PTPRR: variants seen among roughly 807,000 people sequenced by gnomAD.
PTPRR encodes receptor-type tyrosine-protein phosphatase R.
PTPRR carries 38 observed loss-of-function variants against 77.2 expected under a neutral mutation model. That is an observed-to-expected ratio of 0.49 (90% CI 0.38 to 0.65). The LOEUF is 0.65. Ranked by LOEUF, PTPRR falls within the 30% of genes least tolerant of loss-of-function variation. The pLI, the probability that PTPRR is intolerant of heterozygous loss-of-function variation, is 0.00. For synonymous variants in PTPRR, 299 were observed against 283.1 expected (o/e 1.06, Z -0.57); for missense variants, 744 against 799.2 (o/e 0.93, Z 0.83).
intron 2 of PTPRR, among the ~76,000 whole-genome samples, chr12:70,849,736 A>T (rs892120216): frequency 1.3e-5 from 2 of 152,214 alleles, no homozygotes; most frequent in African/African-American, 2.4e-5. Flanking sequence ...TGATCGTTTC[A>T]TCTGGCCCCT....
At chr12:70,780,496 G>A (rs74452765) in intron 2 of PTPRR, among the ~76,000 whole-genome samples, 1 of 151,904 alleles carries the variant, frequency 6.6e-6, no homozygotes, top group African/African-American at 2.4e-5. Context: ...ATTTATTTTG[G>A]GATAATCATG....
intron 10 of PTPRR, chr12:70,672,125 C>G (rs1165108938): frequency 7.1e-7 from 1 of 1,405,906 alleles, no homozygotes; most frequent in East Asian, 2.3e-5. Context: ...GACACAGTTC[C>G]TAGAGCAGGG....
chr12:70,709,878 T>C (rs1888760947), intron 6 of PTPRR, among the ~76,000 whole-genome samples: 1 of 152,144 alleles, frequency 6.6e-6, no homozygotes, highest in African/African-American at 2.4e-5. Flanking sequence ...CGTTCATGTA[T>C]AGGAAGAATT....
chr12:70,881,430 C>T (rs1292840993), intron 2 of PTPRR, among the ~76,000 whole-genome samples: 1 of 152,190 alleles, frequency 6.6e-6, no homozygotes, highest in Non-Finnish European at 1.5e-5. Flanking sequence ...ACATCTCTCA[C>T]ACATACACAC....
chr12:70,703,084 G>A (rs1888491502), intron 6 of PTPRR, among the ~76,000 whole-genome samples: 1 of 149,590 alleles, frequency 6.7e-6, no homozygotes, highest in Non-Finnish European at 1.5e-5. Context: ...ATGTATGTGA[G>A]TCTTCCACAA....
intron 2 of PTPRR, among the ~76,000 whole-genome samples, chr12:70,880,690 TTGAA>T (rs1317044356): frequency 6.6e-6 from 1 of 152,190 alleles, no homozygotes; most frequent in Non-Finnish European, 1.5e-5. Context: ...AATAATTTTT[TTGAA>T]TGAATGAATG....
chr12:70,844,401 A>T (rs1892449517), intron 2 of PTPRR, among the ~76,000 whole-genome samples: 1 of 152,172 alleles, frequency 6.6e-6, no homozygotes, highest in African/African-American at 2.4e-5. Flanking sequence ...CCCTACTGTG[A>T]TTGAATTCAA....
chr12:70,642,206 G>C (rs1028463381), intron 13 of PTPRR, among the ~76,000 whole-genome samples: 1 of 152,116 alleles, frequency 6.6e-6, no homozygotes, highest in Non-Finnish European at 1.5e-5. Context: ...GATACTAACT[G>C]ACGGTGTAGA....
At position 70,851,980 on chromosome 12, in the gene PTPRR, A is replaced by T. The variant is rs142583533; in HGVS notation, c.357+40699T>A. 9.7e-4 allele frequency among the ~76,000 whole-genome samples: 148 copies of T among 152,246 alleles called. 1 individual carries two copies. The highest frequency in any genetic ancestry group is 3.4e-3 in the Middle Eastern group (1 of 294). On this transcript the variant is annotated intron_variant, in intron 2 of 13. Coordinates refer to ENST00000283228, the MANE Select transcript of PTPRR (RefSeq NM_002849.4). ...TATCTAATCATGAGGTTTCAGTACC[A>T]TGGTTCTGGGAAAACTACTCATGTT... is the stretch of plus-strand genomic sequence containing the variant.
intron 10 of PTPRR, among the ~76,000 whole-genome samples, chr12:70,683,195 A>T (rs926589789): frequency 2.0e-5 from 3 of 152,198 alleles, no homozygotes; most frequent in African/African-American, 2.4e-5. Context: ...TAGTTTTCTT[A>T]AATTCTTACT....
chr12:70,718,801 A>C (rs1203994802), intron 6 of PTPRR, among the ~76,000 whole-genome samples: 2 of 152,254 alleles, frequency 1.3e-5, no homozygotes, highest in Non-Finnish European at 1.5e-5. Flanking sequence ...AAATACTAGA[A>C]GAATACATAA....
intron 6 of PTPRR, among the ~76,000 whole-genome samples, chr12:70,728,790 C>T (rs1218157413): frequency 2.0e-5 from 3 of 151,950 alleles, no homozygotes; most frequent in African/African-American, 7.3e-5. Flanking sequence ...TCCTTGTCCA[C>T]ACAACACTAA....
intron 2 of PTPRR, among the ~76,000 whole-genome samples, chr12:70,820,861 C>G (rs1019517572): frequency 6.6e-6 from 1 of 152,190 alleles, no homozygotes; most frequent in Non-Finnish European, 1.5e-5. Context: ...CCTATCTCCT[C>G]TTAGTAATTT....
chr12:70,816,133 C>T (rs560299112), intron 2 of PTPRR, among the ~76,000 whole-genome samples: 17 of 152,124 alleles, frequency 1.1e-4, no homozygotes, highest in Admixed American at 2.0e-4. Flanking sequence ...TATTCTTTAC[C>T]TTTAGCACAA....
At chr12:70,873,427 C>T (rs758630063) in intron 2 of PTPRR, among the ~76,000 whole-genome samples, 4 of 152,118 alleles carry the variant, frequency 2.6e-5, no homozygotes, top group Non-Finnish European at 4.4e-5. Flanking sequence ...TCTTAAAATC[C>T]TTTTTATTGT....
At chr12:70,910,850 A>G (rs1336126531) in intron 1 of PTPRR, among the ~76,000 whole-genome samples, 1 of 152,214 alleles carries the variant, frequency 6.6e-6, no homozygotes, top group African/African-American at 2.4e-5. Flanking sequence ...TGAAATTTTC[A>G]GAGGCACTGA....
chr12:70,657,450 G>A (rs1037716160), intron 12 of PTPRR, among the ~76,000 whole-genome samples: 1 of 152,120 alleles, frequency 6.6e-6, no homozygotes, highest in South Asian at 2.1e-4. Flanking sequence ...GTCCTGGTGG[G>A]TTTATACATT....
intron 13 of PTPRR, among the ~76,000 whole-genome samples, chr12:70,656,330 G>C (rs1886576955): frequency 6.6e-6 from 1 of 152,156 alleles, no homozygotes; most frequent in Non-Finnish European, 1.5e-5. Context: ...AGGAGTTGAA[G>C]AACAACCTGA....
chr12:70,671,513 A>C (rs892418759), intron 10 of PTPRR, among the ~76,000 whole-genome samples: 5 of 152,180 alleles, frequency 3.3e-5, no homozygotes, highest in Non-Finnish European at 7.3e-5. Context: ...TCATTTCTCC[A>C]ATTTCTGAAT....
Sources: allele counts gnomAD v4.1 joint callset (sites outside exome capture counted in the v4.1 genomes callset), GRCh38; gene constraint gnomAD v4.1.1; transcripts MANE v1.5; gene names NCBI Gene and HGNC (gene_info 2026-07-23, HGNC 2026-07-21).